The following PPP2R1A variants were observed in gnomAD, a reference collection of about 807,000 sequenced individuals.
PPP2R1A encodes serine/threonine-protein phosphatase 2A 65 kDa regulatory subunit A alpha isoform.
A neutral mutation model predicts 67.1 loss-of-function variants in PPP2R1A; 15 were observed. The ratio of observed to expected loss-of-function variants is 0.22; its 90% CI spans 0.15 to 0.34. PPP2R1A has a LOEUF of 0.34. PPP2R1A is among the 10% of genes least tolerant of loss of function. PPP2R1A has a pLI of 1.00. For missense variants in PPP2R1A, 369 were observed against 775.0 expected, an observed-to-expected ratio of 0.48 and a Z score of 6.22; for synonymous variants, 337 against 325.0, an observed-to-expected ratio of 1.04 and a Z score of -0.40.
rs1206651720 is a variant in PPP2R1A, at chr19:52,220,281, A to G, written c.1363+32A>G. The G allele has an allele frequency of 3.1e-6, 5 of 1,607,056 alleles. 1 individual carries two copies. ...ACCTTCACAGGAGCAGCAAGAGGAG[A>G]TGGGAGCTCCAGAAAGGCAGGATGG... On this transcript the variant is annotated intron_variant, in intron 11 of 14. Transcript: ENST00000322088.
intron 12 of PPP2R1A, 115 bp downstream of exon 12, chr19:52,221,248 G>T: frequency 7.0e-7 from 1 of 1,425,176 alleles, no homozygotes. Context: ...GAGACATGGA[G>T]TGCATCTTCT....
intron 13 of PPP2R1A, among the ~76,000 whole-genome samples, chr19:52,225,175 G>A (rs770719158): frequency 1.3e-5 from 2 of 151,534 alleles, no homozygotes; most frequent in African/African-American, 4.9e-5. Flanking sequence ...GCACCACCAC[G>A]CCCTGCTAAT....
In PPP2R1A at chr19:52,226,502, A is replaced by T. The variant is rs955963462; in HGVS notation, c.*521A>T. The T allele has an allele frequency of 3.4e-5, 8 of 233,546 alleles. No homozygotes were observed. The highest frequency in any genetic ancestry group is 5.9e-5 in the Non-Finnish European group (7 of 118,564). 14.5% of individuals were successfully genotyped at this position (233,546 alleles called of 1,614,324 possible). A position where few individuals can be genotyped will look rare whatever the true frequency, so the allele number is the denominator to read the frequency against. On this transcript the variant is annotated 3_prime_UTR_variant, in exon 15 of 15. Transcript: ENST00000322088. ...ACATCTGCGCTTTTCTCTGGAGAAG[A>T]TCTTGTTACAGGACCCATTATACCC...
At chr19:52,196,755 C>G (rs1462041610) in intron 1 of PPP2R1A, among the ~76,000 whole-genome samples, 1 of 152,314 alleles carries the variant, frequency 6.6e-6, no homozygotes, top group African/African-American at 2.4e-5. Flanking sequence ...GGGTCCCAGG[C>G]TCTTACCATT....
chr19:52,209,968 A>G (rs1052196664), intron 3 of PPP2R1A, among the ~76,000 whole-genome samples: 2 of 152,182 alleles, frequency 1.3e-5, no homozygotes, highest in Admixed American at 1.3e-4. Context: ...CCTGGGCTAC[A>G]TGCCCTCCAG....
Position 52,220,264 on chromosome 19 carries a change from AG to A in PPP2R1A, c.1363+17del, listed in dbSNP as rs1307443178. ...TGTGGATCATGGTGAGTACCTTCAC[AG>A]GAGCAGCAAGAGGAGATGGGAGCTC... On this transcript the variant is annotated intron_variant, in intron 11 of 14. Transcript: ENST00000322088. 2 of 1,612,694 alleles carry A rather than the reference AG, an allele frequency of 1.2e-6. No homozygotes were observed. Among genetic ancestry groups the A allele is most frequent in the Admixed American group, 3.3e-5 (2 of 60,010 alleles).
intron 7 of PPP2R1A, 29 bp downstream of exon 7, chr19:52,215,922 G>A (rs771279291): frequency 3.1e-6 from 5 of 1,612,534 alleles, no homozygotes; most frequent in South Asian, 1.1e-5. Context: ...AACACAGCAA[G>A]TGGGGTGGGT....
At chr19:52,208,609 C>T (rs1010759940) in intron 3 of PPP2R1A, among the ~76,000 whole-genome samples, 2 of 152,166 alleles carry the variant, frequency 1.3e-5, no homozygotes, top group Non-Finnish European at 2.9e-5. Context: ...AAGTGATTCT[C>T]AAGCCTCAGC....
chr19:52,191,185 A>G (rs1258143823), intron 1 of PPP2R1A: 1 of 152,270 alleles, frequency 6.6e-6, no homozygotes, highest in African/African-American at 2.4e-5. Flanking sequence ...TGGTTATGGG[A>G]TGAGGTGACC....
intron 3 of PPP2R1A, among the ~76,000 whole-genome samples, chr19:52,207,383 A>G (rs1407769695): frequency 1.3e-5 from 2 of 152,208 alleles, no homozygotes; most frequent in Non-Finnish European, 2.9e-5. Flanking sequence ...GGCTTCAACA[A>G]GGGCCCCCAG....
chr19:52,225,230 C>T (rs1979184168), intron 13 of PPP2R1A, among the ~76,000 whole-genome samples: 1 of 151,926 alleles, frequency 6.6e-6, no homozygotes, highest in South Asian at 2.1e-4. Flanking sequence ...TTGGTTTGGC[C>T]AGGCTGGTCT....
chr19:52,211,379 G>C lies in PPP2R1A; in HGVS notation c.390G>C (p.Pro130=). ...SPSDLEAHFV[P]LVKRLAGGDW... is the part of the protein sequence containing the mutation. ...CTGACCTGGAGGCGCACTTTGTGCC[G>C]CTAGTGAAGCGGCTGGCGGGCGGCG... The change falls in exon 4 of 15, where the codon CCG becomes CCC. Residue 130 remains proline (P), a synonymous_variant. Transcript: ENST00000322088. This position sits in a 1 kb window ranked among gnomAD's most constrained non-coding sequence, Gnocchi z 5.3. 1 of 1,614,190 alleles carries C rather than the reference G, an allele frequency of 6.2e-7. No individual in the cohort carries two copies.
At chr19:52,192,021 A>T (rs532964759) in intron 1 of PPP2R1A, among the ~76,000 whole-genome samples, 1 of 152,198 alleles carries the variant, frequency 6.6e-6, no homozygotes, top group Non-Finnish European at 1.5e-5. Flanking sequence ...TAAACAGAGT[A>T]TACTGGGGAT....
intron 11 of PPP2R1A, 107 bp from the exon 12 acceptor site, chr19:52,220,872 G>C (rs1978877150): frequency 1.5e-6 from 2 of 1,328,304 alleles, no homozygotes; most frequent in Admixed American, 1.9e-5. Context: ...CATGCAGCCT[G>C]GCACCTAGGG....
rs1381507114 is a variant in PPP2R1A at position 52,219,747 on chromosome 19, T to C, written c.1185T>C (p.Ile395=). ...ACCTGGACTGTGTGAACGAGGTGAT[T>C]GGCATCCGGCAGCTGTCCCAGTCCC... ...ISNLDCVNEV[I]GIRQLSQSLL... Residue 395 remains isoleucine (I), a synonymous_variant, in exon 10 of 15, where the codon ATT becomes ATC. Transcript: ENST00000322088. This position sits in a 1 kb window ranked among gnomAD's most constrained non-coding sequence, Gnocchi z 4.0. The C allele has an allele frequency of 6.2e-7, 1 of 1,614,110 alleles. No homozygotes were observed. Among genetic ancestry groups the C allele is most frequent in the Non-Finnish European group, 8.5e-7 (1 of 1,180,026 alleles).
In PPP2R1A at chr19:52,216,120, C is replaced by A; in HGVS notation, c.993+46C>A. ...AGGAACCAAGTGGATCCGAGCCTGC[C>A]AAAAAGAGGGGCTGGAGACAAGGCT... is the stretch of plus-strand genomic sequence containing the variant. On this transcript the variant is annotated intron_variant, in intron 8 of 14. Coordinates refer to ENST00000322088, the MANE Select transcript of PPP2R1A (RefSeq NM_014225.6). This position sits in a 1 kb window ranked among gnomAD's most constrained non-coding sequence, Gnocchi z 4.3. 6.4e-7 allele frequency: 1 copy of A among 1,569,464 alleles called. No homozygotes were observed. Among genetic ancestry groups the A allele is most frequent in the South Asian group, 1.1e-5 (1 of 89,938 alleles).
chr19:52,220,353 C>T, intron 11 of PPP2R1A, 104 bp downstream of exon 11: 1 of 1,244,252 alleles, frequency 8.0e-7, no homozygotes, highest in Non-Finnish European at 1.2e-6. Context: ...GAGTCACTCC[C>T]CACGCCGCTG....
In PPP2R1A at chr19:52,201,939, A is replaced by G; in HGVS notation, c.79-5A>G. 1 of 1,613,712 alleles carries G rather than the reference A, an allele frequency of 6.2e-7. No individual in the cohort carries two copies. Among genetic ancestry groups the G allele is most frequent in the Non-Finnish European group, 8.5e-7 (1 of 1,179,756 alleles). ...TCTCCCCTCCTCTTCTTGTTCTCTC[A>G]TTAGCTTCGCCTCAACAGCATCAAG... On this transcript the variant is annotated splice_polypyrimidine_tract_variant and splice_region_variant and intron_variant, in intron 1 of 14. Coordinates refer to ENST00000322088, the MANE Select transcript of PPP2R1A (RefSeq NM_014225.6).
At chr19:52,198,509 C>T (rs1477308562) in intron 1 of PPP2R1A, among the ~76,000 whole-genome samples, 10 of 152,010 alleles carry the variant, frequency 6.6e-5, no homozygotes. Context: ...CTTAGGTTTA[C>T]CGGTTTATTA....
Sources: allele counts gnomAD v4.1 joint callset (sites outside exome capture counted in the v4.1 genomes callset), GRCh38; gene constraint gnomAD v4.1.1; non-coding constraint Gnocchi (gnomAD v3.1); transcripts MANE v1.5; gene names NCBI Gene and HGNC (gene_info 2026-07-23, HGNC 2026-07-21).